Variants in B3GALT1 observed in about 807,000 individuals in gnomAD.
The protein encoded by B3GALT1 is beta-1,3-galactosyltransferase 1.
Under a neutral mutation model 23.2 loss-of-function variants are expected in B3GALT1, and 10 were observed. The observed-to-expected ratio is 0.43, with a 90% CI of 0.27 to 0.73. The LOEUF is 0.73. Among genes scored for constraint, B3GALT1 ranks in the 30% least tolerant of loss-of-function variants. The pLI, the probability that B3GALT1 is intolerant of heterozygous loss-of-function variation, is 0.21. For synonymous variants in B3GALT1, 156 were observed against 141.5 expected, an observed-to-expected ratio of 1.10 and a Z score of -0.73; for missense variants, 299 against 405.4, an observed-to-expected ratio of 0.74 and a Z score of 2.25.
intron 1 of B3GALT1, among the ~76,000 whole-genome samples, chr2:167,419,432 C>T (rs1698516040): frequency 6.6e-6 from 1 of 152,134 alleles, no homozygotes; most frequent in Non-Finnish European, 1.5e-5. Context: ...TTCTATTTGT[C>T]TGGTGCTAGG....
At position 167,594,088 on chromosome 2, in the gene B3GALT1, C is replaced by T. The variant is rs530022187; in HGVS notation, c.-409-52821C>T. On this transcript the variant is annotated intron_variant, in intron 2 of 4. Transcript: ENST00000392690. ...GTACCTGGCTTACAAAAAATAGCCA[C>T]TTAATTACAGGTGTTCAACATGACA... Among the ~76,000 whole-genome samples the T allele has an allele frequency of 8.9e-4, 135 of 152,250 alleles. No individual in the cohort carries two copies. The Middle Eastern group carries it at 0.014, about 15-fold the overall frequency.
At chr2:167,364,151 G>A (rs1379434598) in intron 1 of B3GALT1, among the ~76,000 whole-genome samples, 1 of 133,112 alleles carries the variant, frequency 7.5e-6, no homozygotes, top group East Asian at 2.2e-4. Flanking sequence ...GCAACAGAGT[G>A]GGACTCCATC....
intron 1 of B3GALT1, among the ~76,000 whole-genome samples, chr2:167,321,677 T>A (rs774205057): frequency 2.5e-4 from 38 of 152,054 alleles, no homozygotes; most frequent in Non-Finnish European, 5.0e-4. Flanking sequence ...TCAGGAATCT[T>A]ACCTCCTTCT....
intron 3 of B3GALT1, among the ~76,000 whole-genome samples, chr2:167,779,118 A>G (rs182380592): frequency 6.2e-4 from 55 of 89,360 alleles, no homozygotes; most frequent in Admixed American, 4.6e-3. Context: ...TTTACAAAAT[A>G]GAAATACATC....
chr2:167,497,254 TTACAG>T (rs201306722), intron 2 of B3GALT1, among the ~76,000 whole-genome samples: 3,730 of 152,090 alleles, frequency 0.025, 120 homozygotes, highest in East Asian at 0.11. Context: ...TGGGCAACGG[TTACAG>T]TATTAAATAT....
At chr2:167,414,584 T>G (rs1271439783) in intron 1 of B3GALT1, among the ~76,000 whole-genome samples, 3 of 152,126 alleles carry the variant, frequency 2.0e-5, no homozygotes. Context: ...AAAAGTAAAG[T>G]GAACTTTCTC....
At chr2:167,787,690 G>T (rs1421383351) in intron 3 of B3GALT1, among the ~76,000 whole-genome samples, 1 of 152,160 alleles carries the variant, frequency 6.6e-6, no homozygotes, top group Non-Finnish European at 1.5e-5. Flanking sequence ...ACCATTCCAG[G>T]ACAGGGCATG....
intron 2 of B3GALT1, among the ~76,000 whole-genome samples, chr2:167,545,423 T>A (rs564654973): frequency 6.6e-6 from 1 of 152,296 alleles, no homozygotes; most frequent in Admixed American, 6.5e-5. Flanking sequence ...TCTATCCTCT[T>A]GTGGGTTGGT....
chr2:167,543,112 G>A (rs1683561679), intron 2 of B3GALT1, among the ~76,000 whole-genome samples: 4 of 152,076 alleles, frequency 2.6e-5, no homozygotes, highest in Admixed American at 2.6e-4. Flanking sequence ...TCTCAGCTCA[G>A]TCAATAACAG....
intron 2 of B3GALT1, among the ~76,000 whole-genome samples, chr2:167,571,760 G>T (rs1316883716): frequency 6.6e-6 from 1 of 151,868 alleles, no homozygotes; most frequent in Non-Finnish European, 1.5e-5. Context: ...AGTTAAGCAG[G>T]TTTTGTTTGC....
At chr2:167,851,426 T>C (rs371953768) in intron 4 of B3GALT1, among the ~76,000 whole-genome samples, 1 of 152,224 alleles carries the variant, frequency 6.6e-6, no homozygotes, top group African/African-American at 2.4e-5. Flanking sequence ...CACTAAGGCC[T>C]GACACCCCAA....
intron 2 of B3GALT1, among the ~76,000 whole-genome samples, chr2:167,553,704 T>A (rs1373228231): frequency 6.6e-6 from 1 of 152,202 alleles, no homozygotes; most frequent in African/African-American, 2.4e-5. Context: ...GGTTCATTTT[T>A]CTTAGTGATA....
At chr2:167,684,635 A>C (rs2105495830) in intron 3 of B3GALT1, among the ~76,000 whole-genome samples, 1 of 152,360 alleles carries the variant, frequency 6.6e-6, no homozygotes, top group South Asian at 2.1e-4. Flanking sequence ...AGGATGTGAT[A>C]AAAGTTTTTA....
At chr2:167,396,201 A>G (rs1698092065) in intron 1 of B3GALT1, among the ~76,000 whole-genome samples, 1 of 152,144 alleles carries the variant, frequency 6.6e-6, no homozygotes, top group Non-Finnish European at 1.5e-5. Flanking sequence ...ATTTTGCATA[A>G]TTTGATTTGA....
At chr2:167,719,064 T>C (rs985243499) in intron 3 of B3GALT1, among the ~76,000 whole-genome samples, 5 of 152,220 alleles carry the variant, frequency 3.3e-5, no homozygotes, top group African/African-American at 7.2e-5. Context: ...TTATTATCAA[T>C]ACACAAATTA....
chr2:167,349,329 G>C (rs1455119759), intron 1 of B3GALT1, among the ~76,000 whole-genome samples: 2 of 152,102 alleles, frequency 1.3e-5, no homozygotes, highest in Non-Finnish European at 2.9e-5. Flanking sequence ...TGAACCGTCT[G>C]TTATCAAATC....
At chr2:167,821,431 CTTTTT>C (rs10573752) in intron 4 of B3GALT1, among the ~76,000 whole-genome samples, 13 of 108,722 alleles carry the variant, frequency 1.2e-4, no homozygotes, top group Admixed American at 5.4e-4. Flanking sequence ...AAGGAAGGTA[CTTTTT>C]TTTTTTTTTT....
intron 1 of B3GALT1, among the ~76,000 whole-genome samples, chr2:167,379,472 T>C (rs1697812795): frequency 6.6e-6 from 1 of 152,162 alleles, no homozygotes; most frequent in African/African-American, 2.4e-5. Flanking sequence ...ACTGTAGAGA[T>C]TGCTGTGTAG....
At chr2:167,544,729 C>T (rs1683596673) in intron 2 of B3GALT1, among the ~76,000 whole-genome samples, 1 of 152,126 alleles carries the variant, frequency 6.6e-6, no homozygotes, top group Non-Finnish European at 1.5e-5. Context: ...TTGCCAACTC[C>T]GCCGACGTTG....
Sources: allele counts gnomAD v4.1 joint callset (sites outside exome capture counted in the v4.1 genomes callset), GRCh38; gene constraint gnomAD v4.1.1; transcripts MANE v1.5; gene names NCBI Gene and HGNC (gene_info 2026-07-23, HGNC 2026-07-21).